The following FBXO11 variants were observed in gnomAD, a reference collection of about 807,000 sequenced individuals.
The protein encoded by FBXO11 is F-box protein 11.
Under a neutral mutation model 117.0 loss-of-function variants are expected in FBXO11, and 13 were observed. The ratio of observed to expected loss-of-function variants is 0.11; its 90% CI spans 0.07 to 0.18. FBXO11 has a LOEUF of 0.18. FBXO11 is among the 10% of genes least tolerant of loss of function. The pLI is 1.00. For missense variants in FBXO11, 767 were observed against 1,164.4 expected, an observed-to-expected ratio of 0.66 and a Z score of 4.97; for synonymous variants, 490 against 380.5, an observed-to-expected ratio of 1.29 and a Z score of -3.35.
At chr2:47,817,079 T>G (rs577597442) in intron 16 of FBXO11, among the ~76,000 whole-genome samples, 1 of 152,242 alleles carries the variant, frequency 6.6e-6, no homozygotes, top group Non-Finnish European at 1.5e-5. Context: ...TACACTGAAA[T>G]CTGTTTAGTG....
intron 1 of FBXO11, among the ~76,000 whole-genome samples, chr2:47,851,362 G>C (rs576425179): frequency 6.6e-6 from 1 of 152,100 alleles, no homozygotes; most frequent in East Asian, 1.9e-4. Flanking sequence ...AAGTAGCTGG[G>C]ACTACTAATT....
intron 14 of FBXO11, among the ~76,000 whole-genome samples, chr2:47,819,677 C>T (rs966449151): frequency 3.3e-5 from 5 of 152,160 alleles, no homozygotes; most frequent in African/African-American, 4.8e-5. Flanking sequence ...AACAAACTGA[C>T]GACCTCTCAT....
chr2:47,862,392 T>C (rs1674846933), intron 1 of FBXO11, among the ~76,000 whole-genome samples: 1 of 152,186 alleles, frequency 6.6e-6, no homozygotes, highest in Non-Finnish European at 1.5e-5. Flanking sequence ...GGGCGGGTGA[T>C]ATGAAGAACT....
rs796277010 is a variant in FBXO11 at position 47,889,079 on chromosome 2, C to CT, written c.232+16409dup. ...GTCTATGTGCAAATGGCTAGCAGTA[C>CT]TTTTTTTTATAAGTTAGCAGTATTT... On this transcript the variant is annotated intron_variant, in intron 1 of 22. Transcript: ENST00000403359. Among the ~76,000 whole-genome samples the CT allele has an allele frequency of 5.9e-5, 9 of 152,066 alleles. No individual in the cohort carries two copies. The East Asian group carries it at 7.7e-4, about 13-fold the overall frequency.
At chr2:47,838,508 G>T (rs1672766996) in intron 4 of FBXO11, among the ~76,000 whole-genome samples, 1 of 152,086 alleles carries the variant, frequency 6.6e-6, no homozygotes, top group South Asian at 2.1e-4. Flanking sequence ...GAATACAACT[G>T]TTTTCCAAAA....
intron 1 of FBXO11, among the ~76,000 whole-genome samples, chr2:47,901,044 CATATATACACATAT>C (rs1214635352): frequency 7.8e-6 from 1 of 128,316 alleles, no homozygotes; most frequent in East Asian, 3.1e-4. Flanking sequence ...CACGTGTGTA[CATATATACACATAT>C]ATATGTATAT....
chr2:47,854,509 T>A (rs1674116048), intron 1 of FBXO11, among the ~76,000 whole-genome samples: 1 of 151,738 alleles, frequency 6.6e-6, no homozygotes, highest in African/African-American at 2.4e-5. Context: ...TAAAAATAAA[T>A]AAATAAATAA....
At position 47,807,632 on chromosome 2, in the gene FBXO11, G is replaced by A. The variant is rs1372255190; in HGVS notation, c.*486C>T. ...TAAAAACAAACTACATGAGATTAAA[G>A]CATTAAAATCATATTTCTCAATCTG... is the stretch of plus-strand genomic sequence containing the variant. On this transcript the variant is annotated 3_prime_UTR_variant, in exon 23 of 23. Coordinates refer to ENST00000403359, the MANE Select transcript of FBXO11 (RefSeq NM_001190274.2). 2 of 221,116 alleles carry A rather than the reference G, an allele frequency of 9.0e-6. No homozygotes were observed. The highest frequency in any genetic ancestry group is 1.8e-5 in the Non-Finnish European group (2 of 110,716). 13.7% of individuals were successfully genotyped at this position (221,116 alleles called of 1,614,324 possible). A position where few individuals can be genotyped will look rare whatever the true frequency, so the allele number is the denominator to read the frequency against.
In FBXO11 at chr2:47,809,492, CTG is replaced by C. The variant is rs371885301; in HGVS notation, c.2446+106_2446+107del. 7.1e-5 allele frequency: 59 copies of C among 825,616 alleles called. No individual in the cohort carries two copies. In the African/African-American group the frequency reaches 9.5e-4, roughly 13 times the overall value. The allele number at this position is 825,616 out of a possible 1,614,324, so 51.1% of individuals were successfully genotyped here. A position where few individuals can be genotyped will look rare whatever the true frequency, so the allele number is the denominator to read the frequency against. On this transcript the variant is annotated intron_variant, in intron 20 of 22. Coordinates refer to ENST00000403359, the MANE Select transcript of FBXO11 (RefSeq NM_001190274.2). ...TGTTTCTTTCAAAATCTATCTTAAA[CTG>C]TTGCTAACTTGGAGAGTGACATAAG...
At chr2:47,835,828 CA>C (rs745873179) in intron 5 of FBXO11, 43 bp downstream of exon 5, 1 of 1,452,346 alleles carries the variant, frequency 6.9e-7, no homozygotes. Context: ...AAGTTATTTA[CA>C]AATGTATAAT....
rs756470435 is a variant in FBXO11 at position 47,832,895 on chromosome 2, T to C, written c.1042-15A>G. ...TCAGGGTTAAACTGAAAAGTAAAAA[T>C]TTTGTTTGAAATAAACAATTACTGC... On this transcript the variant is annotated splice_polypyrimidine_tract_variant and intron_variant, in intron 8 of 22. Coordinates refer to ENST00000403359, the MANE Select transcript of FBXO11 (RefSeq NM_001190274.2). 13 of 1,611,824 alleles carry C rather than the reference T, an allele frequency of 8.1e-6. No homozygotes were observed. The South Asian group carries it at 9.9e-5, about 12-fold the overall frequency.
At chr2:47,854,098 T>G (rs1337496558) in intron 1 of FBXO11, among the ~76,000 whole-genome samples, 1 of 152,226 alleles carries the variant, frequency 6.6e-6, no homozygotes, top group Non-Finnish European at 1.5e-5. Flanking sequence ...ATCACATTAA[T>G]TCTTTCCGAA....
intron 11 of FBXO11, among the ~76,000 whole-genome samples, chr2:47,825,457 T>C (rs1046777193): frequency 6.6e-5 from 10 of 152,048 alleles, no homozygotes. Context: ...TAATACTAGA[T>C]TATTCACCAT....
intron 1 of FBXO11, among the ~76,000 whole-genome samples, chr2:47,899,466 C>T (rs1677934043): frequency 2.0e-5 from 3 of 152,094 alleles, no homozygotes; most frequent in Admixed American, 2.0e-4. Flanking sequence ...ACTTTACTAT[C>T]TCTCATCCTT....
chr2:47,859,630 C>T (rs1572859667), intron 1 of FBXO11, among the ~76,000 whole-genome samples: 1 of 152,184 alleles, frequency 6.6e-6, no homozygotes, highest in East Asian at 1.9e-4. Flanking sequence ...TTCTTATTTG[C>T]AGCCCTCAAA....
intron 1 of FBXO11, among the ~76,000 whole-genome samples, chr2:47,844,946 T>C (rs936866770): frequency 1.3e-5 from 2 of 152,210 alleles, no homozygotes; most frequent in African/African-American, 4.8e-5. Context: ...CCTTATTACA[T>C]ATTTCATTTT....
chr2:47,891,528 T>C (rs1249403873), intron 1 of FBXO11, among the ~76,000 whole-genome samples: 2 of 152,234 alleles, frequency 1.3e-5, no homozygotes, highest in Admixed American at 6.5e-5. Flanking sequence ...TCAATGGACA[T>C]GTTGTGGGCT....
Position 47,809,236 on chromosome 2 carries a change from A to G in FBXO11, c.2477T>C (p.Ile826Thr). 1 of 1,602,256 alleles carries G rather than the reference A, an allele frequency of 6.2e-7. No individual in the cohort carries two copies. The highest frequency in any genetic ancestry group is 1.1e-5 in the South Asian group (1 of 89,906). The change falls in exon 21 of 23, where the codon ATA (isoleucine) becomes ACA (threonine). Residue 826 changes from isoleucine to threonine, a missense_variant. This residue lies in a region of FBXO11 where 66 missense variants were observed against 82.7 expected (regional missense o/e 0.80). Transcript: ENST00000403359. ...TTGGCCTCTACTAACAGCCTTTTCT[A>G]TGGCATCTTGATTGTTCATTATTTT... is the stretch of plus-strand genomic sequence containing the variant. ...DNKIMNNQDA[I>T]EKAVSRGQCL...
At chr2:47,886,636 C>T (rs183274160) in intron 1 of FBXO11, among the ~76,000 whole-genome samples, 80 of 151,892 alleles carry the variant, frequency 5.3e-4, no homozygotes, top group African/African-American at 1.9e-3. Context: ...ATATTTAATA[C>T]ATTGTGGTAC....
Sources: gnomAD v4.1 joint callset for allele counts (sites outside exome capture counted in the v4.1 genomes callset) on GRCh38, gnomAD v4.1.1 for gene constraint, gnomAD v4.1.1 regional missense constraint, MANE v1.5 for transcripts, NCBI Gene and HGNC (gene_info 2026-07-23, HGNC 2026-07-21) for gene names.